Variants in LGALS8 observed in about 807,000 individuals in gnomAD.
LGALS8 encodes galectin-8.
Under a neutral mutation model 35.9 loss-of-function variants are expected in LGALS8, and 30 were observed. That is an observed-to-expected ratio of 0.83 (90% CI 0.62 to 1.13). The LOEUF (loss-of-function observed/expected upper bound fraction) is 1.13, where lower values mean the gene tolerates loss of function less well. Ranked by LOEUF, LGALS8 falls within the 50% of genes most tolerant of loss-of-function variation. LGALS8 has a pLI of 0.00. For missense variants in LGALS8, 366 were observed against 388.7 expected (o/e 0.94, Z 0.49); for synonymous variants, 138 against 136.1 (o/e 1.01, Z -0.10).
chr1:236,535,480 A>G (rs1661429857), intron 2 of LGALS8, among the ~76,000 whole-genome samples: 1 of 90,358 alleles, frequency 1.1e-5, no homozygotes, highest in Non-Finnish European at 2.9e-5. Context: ...TTATATTACT[A>G]ACTTGTGTTA....
In LGALS8 at chr1:236,544,878, T is replaced by C. The variant is rs1476943972; in HGVS notation, c.767T>C (p.Ile256Thr). The change falls in exon 9 of 10, where the codon ATT (isoleucine) becomes ACT (threonine). Residue 256 changes from isoleucine (I) to threonine (T), a missense_variant. Physicochemically the swap from Ile to Thr is moderately conservative, Grantham distance 89. Transcript: ENST00000366584. ...TCCTGGGGAGAAGAAGAGAGAAATA[T>C]TACCTCTTTCCCATTTAGTCCTGGG... is the stretch of plus-strand genomic sequence containing the variant. Reference protein sequence around the residue: ...QESWGEEERNITSFPFSPGMY... With the variant: ...QESWGEEERNTTSFPFSPGMY... 1.2e-6 allele frequency: 2 copies of C among 1,613,532 alleles called. No homozygotes were observed. The highest frequency in any genetic ancestry group is 1.7e-5 in the Admixed American group (1 of 59,948).
chr1:236,541,559 A>G (rs1008499654), intron 5 of LGALS8, 95 bp from the exon 6 acceptor site: 18 of 644,480 alleles, frequency 2.8e-5, no homozygotes, highest in Admixed American at 2.6e-4. Context: ...GCATATTTTT[A>G]GTACCATTTA....
chr1:236,551,244 G>A lies in LGALS8; in HGVS notation c.*3083G>A. 1 of 469,310 alleles carries A rather than the reference G, an allele frequency of 2.1e-6. No individual in the cohort carries two copies. 29.1% of individuals were successfully genotyped at this position (469,310 alleles called of 1,614,324 possible). ...CCCAAAACTCAAACTTCCTAGGGAT[G>A]CCACCCCTTTAGTAGCTCACACCTC... On this transcript the variant is annotated 3_prime_UTR_variant, in exon 10 of 10. Transcript: ENST00000366584.
At chr1:236,535,178 G>A (rs1032980071) in intron 2 of LGALS8, among the ~76,000 whole-genome samples, 1 of 150,788 alleles carries the variant, frequency 6.6e-6, no homozygotes, top group African/African-American at 2.4e-5. Context: ...TAGAAATATC[G>A]ATGCTTATTA....
At chr1:236,541,932 A>G (rs1210166643) in intron 6 of LGALS8, among the ~76,000 whole-genome samples, 2 of 152,206 alleles carry the variant, frequency 1.3e-5, no homozygotes, top group Non-Finnish European at 2.9e-5. Context: ...TTCTTATGTA[A>G]AAAGCACTCT....
chr1:236,525,471 C>T (rs915077651), intron 1 of LGALS8: 1 of 151,436 alleles, frequency 6.6e-6, no homozygotes, highest in East Asian at 1.9e-4. Flanking sequence ...GGCACAATCT[C>T]GGCTCACTTC....
At chr1:236,539,194 TA>T in intron 4 of LGALS8, 105 bp downstream of exon 4, 1 of 924,016 alleles carries the variant, frequency 1.1e-6, no homozygotes, top group Non-Finnish European at 1.7e-6. Flanking sequence ...ACACCTGAGA[TA>T]TAGTTTGTTT....
At chr1:236,544,698 C>A in intron 8 of LGALS8, 52 bp from the exon 9 acceptor site, 2 of 1,456,740 alleles carry the variant, frequency 1.4e-6, no homozygotes, top group Non-Finnish European at 1.9e-6. Flanking sequence ...ATTGCCACTA[C>A]TCTGTCCTAC....
At chr1:236,540,755 A>C (rs1661940988) in intron 5 of LGALS8, 72 bp downstream of exon 5, 1 of 1,426,962 alleles carries the variant, frequency 7.0e-7, no homozygotes, top group Non-Finnish European at 9.5e-7. Flanking sequence ...AAAATCTTCA[A>C]ATAACACTTC....
chr1:236,519,715 T>G (rs1660499136), upstream of LGALS8, among the ~76,000 whole-genome samples: 1 of 152,206 alleles, frequency 6.6e-6, no homozygotes, highest in Non-Finnish European at 1.5e-5. Context: ...AAAAAGTTCC[T>G]AAGTTCTAGC....
At chr1:236,547,348 G>C (rs1016603319) in intron 9 of LGALS8, among the ~76,000 whole-genome samples, 36 of 88,948 alleles carry the variant, frequency 4.0e-4, no homozygotes, top group Non-Finnish European at 6.4e-4. Context: ...ACTGCCGATG[G>C]ATCTGAATTT....
intron 3 of LGALS8, 71 bp downstream of exon 3, chr1:236,537,656 T>C (rs1272372745): frequency 6.2e-6 from 7 of 1,126,040 alleles, no homozygotes; most frequent in Non-Finnish European, 9.4e-6. Context: ...GATAACAGAG[T>C]AAGGCGGGAG....
intron 1 of LGALS8, among the ~76,000 whole-genome samples, chr1:236,525,253 G>C (rs185251084): frequency 6.6e-6 from 1 of 152,020 alleles, no homozygotes; most frequent in African/African-American, 2.4e-5. Context: ...CTAACATAGC[G>C]CTTACTCTTT....
Position 236,537,554 on chromosome 1 carries a change from A to C in LGALS8, c.103A>C (p.Ile35Leu). 1 of 1,607,042 alleles carries C rather than the reference A, an allele frequency of 6.2e-7. No individual in the cohort carries two copies. Among genetic ancestry groups the C allele is most frequent in the South Asian group, 1.1e-5 (1 of 91,006 alleles). Residue 35 changes from isoleucine to leucine, a missense_variant, in exon 3 of 10, where the codon ATA becomes CTA. Coordinates refer to ENST00000366584, the MANE Select transcript of LGALS8 (RefSeq NM_201544.4). ...DQLDPGTLIV[I>L]RGHVPSDADR... ...GCTGGATCCTGGAACTTTGATTGTG[A>C]TACGTGGGCATGTTCCTAGTGACGC...
intron 1 of LGALS8, chr1:236,524,746 G>A (rs1474738092): frequency 4.3e-6 from 1 of 234,746 alleles, no homozygotes; most frequent in Admixed American, 5.0e-5. Flanking sequence ...CATGTGTATG[G>A]CAACTCGGCA....
Position 236,548,029 on chromosome 1 carries a change from T to A in LGALS8, c.822T>A (p.Asp274Glu). ...GMYFEMIIYC[D>E]VREFKVAVNG... The stretch of plus-strand genomic sequence containing the variant: ...CCTTTCAGATGATAATTTATTGTGA[T>A]GTTAGAGAATTCAAGGTTGCAGTAA... Residue 274 changes from aspartate to glutamate, a missense_variant, in exon 10 of 10, where the codon GAT becomes GAA. Coordinates refer to ENST00000366584, the MANE Select transcript of LGALS8 (RefSeq NM_201544.4). The A allele has an allele frequency of 6.2e-7, 1 of 1,610,758 alleles. No homozygotes were observed. Among genetic ancestry groups the A allele is most frequent in the Non-Finnish European group, 8.5e-7 (1 of 1,177,070 alleles).
chr1:236,533,651 T>TA (rs1157775201), intron 2 of LGALS8, among the ~76,000 whole-genome samples: 1 of 146,402 alleles, frequency 6.8e-6, no homozygotes, highest in Non-Finnish European at 1.5e-5. Flanking sequence ...TTTTTTTTTT[T>TA]AAAGATGTTG....
At chr1:236,543,353 G>A (rs1036673251) in intron 7 of LGALS8, 18 of 688,184 alleles carry the variant, frequency 2.6e-5, no homozygotes, top group East Asian at 2.2e-4. Context: ...TCATTTCATC[G>A]TCTAAAATGT....
chr1:236,551,120 TTAAC>T lies in LGALS8; in HGVS notation c.*2960_*2963del, dbSNP rs1258987466. ...AATCAAAAGAGTGAAATGAAGCACA[TTAAC>T]AAAGCAGGAGGCGCCACGGACCGCC... On this transcript the variant is annotated 3_prime_UTR_variant, in exon 10 of 10. Transcript: ENST00000366584. The T allele has an allele frequency of 1.4e-6, 1 of 739,058 alleles. No homozygotes were observed. The highest frequency in any genetic ancestry group is 2.1e-6 in the Non-Finnish European group (1 of 470,382). 45.8% of individuals were successfully genotyped at this position (739,058 alleles called of 1,614,324 possible). A position where few individuals can be genotyped will look rare whatever the true frequency, so the allele number is the denominator to read the frequency against.
Sources: allele counts gnomAD v4.1 joint callset (sites outside exome capture counted in the v4.1 genomes callset), GRCh38; gene constraint gnomAD v4.1.1; transcripts MANE v1.5; gene names NCBI Gene and HGNC (gene_info 2026-07-23, HGNC 2026-07-21).